The following RAB28 variants were observed in gnomAD, a reference collection of about 807,000 sequenced individuals.
RAB28 encodes RAB28, member RAS oncogene family.
RAB28 carries 24 observed loss-of-function variants against 31.7 expected under a neutral mutation model. That is an observed-to-expected ratio of 0.76 (90% CI 0.55 to 1.06). RAB28 has a LOEUF of 1.06. Among genes scored for constraint, RAB28 ranks in the 50% least tolerant of loss-of-function variants. The probability of loss-of-function intolerance (pLI) is 0.00; values close to 1 mark genes in which losing one functional copy is unlikely to be tolerated. For missense variants in RAB28, 254 were observed against 258.5 expected, an observed-to-expected ratio of 0.98 and a Z score of 0.12; for synonymous variants, 100 against 90.4, an observed-to-expected ratio of 1.11 and a Z score of -0.60.
chr4:13,424,695 C>T (rs995990305), intron 4 of RAB28, among the ~76,000 whole-genome samples: 2 of 152,178 alleles, frequency 1.3e-5, no homozygotes, highest in African/African-American at 4.8e-5. Context: ...ACATAGTATA[C>T]AGGCAACTGC....
chr4:13,483,930 C>G (rs1315808330), intron 1 of RAB28, 146 bp downstream of exon 1: 2 of 705,480 alleles, frequency 2.8e-6, no homozygotes, highest in African/African-American at 3.6e-5. Flanking sequence ...CACTTCGTGT[C>G]CGGCCTCAGG....
intron 1 of RAB28, among the ~76,000 whole-genome samples, chr4:13,480,586 A>G (rs564816222): frequency 6.6e-6 from 1 of 152,056 alleles, no homozygotes; most frequent in Non-Finnish European, 1.5e-5. Context: ...CCAAACTTCA[A>G]TTCCTTTTAG....
intron 4 of RAB28, among the ~76,000 whole-genome samples, chr4:13,428,190 C>A (rs887494241): frequency 5.8e-4 from 89 of 152,344 alleles, no homozygotes; most frequent in African/African-American, 2.0e-3. Flanking sequence ...CGCCGCCGGG[C>A]TGTCTGCCTG....
chr4:13,479,784 T>C (rs1027666737), intron 1 of RAB28, among the ~76,000 whole-genome samples: 24 of 151,346 alleles, frequency 1.6e-4, no homozygotes, highest in African/African-American at 5.3e-4. Flanking sequence ...ATCCTTTTCC[T>C]TGCTGAAAAT....
intron 4 of RAB28, among the ~76,000 whole-genome samples, chr4:13,397,604 A>G (rs1729922889): frequency 6.6e-6 from 1 of 152,144 alleles, no homozygotes; most frequent in African/African-American, 2.4e-5. Context: ...AATTTCTTAC[A>G]TGATCATAAA....
intron 4 of RAB28, among the ~76,000 whole-genome samples, chr4:13,423,271 C>T (rs993112960): frequency 1.3e-5 from 2 of 152,108 alleles, no homozygotes. Flanking sequence ...CGCAGTGGCT[C>T]ACGGCTGTAA....
chr4:13,410,656 C>G (rs1468803885), intron 4 of RAB28, among the ~76,000 whole-genome samples: 2 of 152,026 alleles, frequency 1.3e-5, no homozygotes, highest in Non-Finnish European at 2.9e-5. Flanking sequence ...GCTGTCAACC[C>G]TCAAGCAAAC....
At chr4:13,391,194 T>TA (rs554426602) in intron 4 of RAB28, among the ~76,000 whole-genome samples, 1 of 151,912 alleles carries the variant, frequency 6.6e-6, no homozygotes, top group Non-Finnish European at 1.5e-5. Flanking sequence ...ACAAAGAACT[T>TA]AAACAAATTT....
At chr4:13,426,458 C>T (rs1008454315) in intron 4 of RAB28, among the ~76,000 whole-genome samples, 5 of 152,144 alleles carry the variant, frequency 3.3e-5, no homozygotes, top group Non-Finnish European at 5.9e-5. Context: ...TCCATGTCTA[C>T]AGCTTTGACT....
intron 4 of RAB28, among the ~76,000 whole-genome samples, chr4:13,451,206 T>C (rs1714950164): frequency 6.6e-6 from 1 of 151,920 alleles, no homozygotes; most frequent in Admixed American, 6.6e-5. Context: ...TTCTTCTGTA[T>C]TTTTTATAAT....
At chr4:13,420,412 C>G (rs1000017344) in intron 4 of RAB28, among the ~76,000 whole-genome samples, 2 of 152,174 alleles carry the variant, frequency 1.3e-5, no homozygotes, top group Non-Finnish European at 1.5e-5. Context: ...TTTTATGATG[C>G]CAGTATCATC....
At chr4:13,456,142 A>G (rs943565622) in intron 4 of RAB28, among the ~76,000 whole-genome samples, 5 of 152,242 alleles carry the variant, frequency 3.3e-5, no homozygotes, top group African/African-American at 7.2e-5. Flanking sequence ...CTTAATACAC[A>G]TAACAGATTC....
intron 5 of RAB28, 84 bp from the exon 6 acceptor site, chr4:13,376,706 T>C: frequency 1.2e-6 from 1 of 853,484 alleles, no homozygotes; most frequent in Admixed American, 2.7e-5. Flanking sequence ...TTAAAAATGA[T>C]AAACAGCAAT....
At chr4:13,383,461 G>C (rs1205746761) in intron 4 of RAB28, among the ~76,000 whole-genome samples, 3 of 151,624 alleles carry the variant, frequency 2.0e-5, no homozygotes, top group African/African-American at 4.9e-5. Context: ...AAGACTAGTA[G>C]TACCATTGTT....
At chr4:13,439,418 A>G (rs1214158346) in intron 4 of RAB28, among the ~76,000 whole-genome samples, 1 of 151,806 alleles carries the variant, frequency 6.6e-6, no homozygotes, top group African/African-American at 2.4e-5. Context: ...GCAGAGGCAC[A>G]ATCTCGGCTC....
intron 4 of RAB28, among the ~76,000 whole-genome samples, chr4:13,391,282 C>T (rs1003097864): frequency 3.3e-5 from 5 of 152,142 alleles, no homozygotes; most frequent in African/African-American, 7.2e-5. Context: ...GACATTTATG[C>T]GGCCAACAGA....
At chr4:13,386,083 C>A (rs1265213456) in intron 4 of RAB28, among the ~76,000 whole-genome samples, 1 of 152,012 alleles carries the variant, frequency 6.6e-6, no homozygotes, top group African/African-American at 2.4e-5. Flanking sequence ...AAATAACCTG[C>A]AGAATGGGAG....
At chr4:13,470,078 C>T (rs747548189) in intron 3 of RAB28, among the ~76,000 whole-genome samples, 2 of 152,048 alleles carry the variant, frequency 1.3e-5, no homozygotes, top group Non-Finnish European at 2.9e-5. Flanking sequence ...GTCAGTGTAA[C>T]ACGTACTAAA....
At chr4:13,429,924 ATACAG>A (rs1350178942) in intron 4 of RAB28, among the ~76,000 whole-genome samples, 2 of 152,238 alleles carry the variant, frequency 1.3e-5, no homozygotes, top group Non-Finnish European at 2.9e-5. Context: ...CTTAAAACTG[ATACAG>A]TAATCTACAG....
Sources: gnomAD v4.1 joint callset for allele counts (sites outside exome capture counted in the v4.1 genomes callset) on GRCh38, gnomAD v4.1.1 for gene constraint, MANE v1.5 for transcripts, NCBI Gene and HGNC (gene_info 2026-07-23, HGNC 2026-07-21) for gene names.